Variants in CAMTA1 observed in about 807,000 individuals in gnomAD.
CAMTA1 encodes calmodulin-binding transcription activator 1.
A neutral mutation model predicts 170.9 loss-of-function variants in CAMTA1; 27 were observed. The ratio of observed to expected loss-of-function variants is 0.16; its 90% CI spans 0.12 to 0.22. The LOEUF is 0.22. Ranked by LOEUF, CAMTA1 falls within the 10% of genes least tolerant of loss-of-function variation. The pLI, the probability that CAMTA1 is intolerant of heterozygous loss-of-function variation, is 1.00. For synonymous variants in CAMTA1, 833 were observed against 891.5 expected (o/e 0.93, Z 1.17); for missense variants, 1,619 against 2,217.2 (o/e 0.73, Z 5.42).
At chr1:6,894,234 A>C (rs895702518) in intron 3 of CAMTA1, among the ~76,000 whole-genome samples, 1 of 152,206 alleles carries the variant, frequency 6.6e-6, no homozygotes, top group African/African-American at 2.4e-5. Context: ...AATTTTAAGA[A>C]CCAGCCATTC....
At chr1:7,270,274 C>CACATAT (rs71299822) in intron 5 of CAMTA1, among the ~76,000 whole-genome samples, 2 of 29,710 alleles carry the variant, frequency 6.7e-5, no homozygotes, top group African/African-American at 1.9e-4. Context: ...CACACACACA[C>CACATAT]ATATATATAT....
chr1:7,310,661 T>TTCTCTCTCTCTCTCTCTCTC, intron 5 of CAMTA1, among the ~76,000 whole-genome samples: 1 of 57,038 alleles, frequency 1.8e-5, no homozygotes, highest in African/African-American at 9.1e-5. Flanking sequence ...CTTTCTTTCT[T>TTCTCTCTCTCTCTCTCTCTC]TCTTTCTTTC....
chr1:6,878,135 T>C (rs1449988348), intron 3 of CAMTA1, among the ~76,000 whole-genome samples: 11 of 152,246 alleles, frequency 7.2e-5, no homozygotes, highest in Admixed American at 6.5e-4. Context: ...CCGTGGCTTT[T>C]CGATCTTGCA....
At chr1:7,746,166 A>AAC in intron 18 of CAMTA1, 75 bp downstream of exon 18, 2 of 1,510,244 alleles carry the variant, frequency 1.3e-6, no homozygotes, top group South Asian at 2.5e-5. Flanking sequence ...GAATCATGCG[A>AAC]ACAAAAACAT....
At position 6,887,507 on chromosome 1, in the gene CAMTA1, T is replaced by C. The variant is rs1673558461; in HGVS notation, c.234+62297T>C. 8.4e-7 allele frequency: 1 copy of C among 1,192,598 alleles called. No individual in the cohort carries two copies. Among genetic ancestry groups the C allele is most frequent in the Middle Eastern group, 2.1e-4 (1 of 4,656 alleles). 73.9% of individuals were successfully genotyped at this position (1,192,598 alleles called of 1,614,324 possible). A position where few individuals can be genotyped will look rare whatever the true frequency, so the allele number is the denominator to read the frequency against. On this transcript the variant is annotated intron_variant, in intron 3 of 22. Coordinates refer to ENST00000303635, the MANE Select transcript of CAMTA1 (RefSeq NM_015215.4). This position sits in a 1 kb window ranked among gnomAD's most constrained non-coding sequence, Gnocchi z 4.1. ...ATACATACCTGTTCATCTGTATACGTATGTGTGTGTTTAATATATACTTTA... is the reference window on the plus strand; with the variant it reads ...ATACATACCTGTTCATCTGTATACGCATGTGTGTGTTTAATATATACTTTA...
chr1:7,490,426 C>T (rs1342123883), intron 6 of CAMTA1, among the ~76,000 whole-genome samples: 4 of 152,158 alleles, frequency 2.6e-5, no homozygotes, highest in East Asian at 1.9e-4. Context: ...CCGAGGCAGG[C>T]GGTTCACCTG....
At chr1:7,178,686 G>T (rs765311093) in intron 4 of CAMTA1, among the ~76,000 whole-genome samples, 6 of 152,198 alleles carry the variant, frequency 3.9e-5, no homozygotes, top group African/African-American at 9.7e-5. Context: ...TGGGGGTTCC[G>T]TAAAGAGCTA....
At chr1:7,159,625 C>G (rs1010083441) in intron 4 of CAMTA1, among the ~76,000 whole-genome samples, 1 of 152,146 alleles carries the variant, frequency 6.6e-6, no homozygotes, top group African/African-American at 2.4e-5. Context: ...CTCACTGCAG[C>G]CTTGAACTCC....
chr1:7,695,887 T>C (rs2096370457), intron 11 of CAMTA1, among the ~76,000 whole-genome samples: 1 of 152,210 alleles, frequency 6.6e-6, no homozygotes, highest in African/African-American at 2.4e-5. Flanking sequence ...ACGGCTGTCA[T>C]TTAAAATGCA....
At chr1:6,886,480 A>G (rs1484355927) in intron 3 of CAMTA1, 1 of 362,110 alleles carries the variant, frequency 2.8e-6, no homozygotes, top group African/African-American at 2.1e-5. Flanking sequence ...AGAAGCCCAC[A>G]GCTCTTCTCG....
At chr1:7,255,742 C>T (rs567712888) in intron 5 of CAMTA1, among the ~76,000 whole-genome samples, 1 of 152,220 alleles carries the variant, frequency 6.6e-6, no homozygotes, top group Non-Finnish European at 1.5e-5. Context: ...ACAGAATCTA[C>T]CCCACACGAC....
intron 5 of CAMTA1, among the ~76,000 whole-genome samples, chr1:7,354,917 C>G (rs1478312796): frequency 6.6e-6 from 1 of 152,032 alleles, no homozygotes; most frequent in African/African-American, 2.4e-5. Flanking sequence ...TTGTCTTCAT[C>G]TGGGCTGGGT....
rs34382670 is a variant in CAMTA1, at chr1:7,246,670, C to CTTTTTTTT, written c.303-2806_303-2799dup. Among the ~76,000 whole-genome samples, 282 of 73,912 alleles carry CTTTTTTTT rather than the reference C, an allele frequency of 3.8e-3. 27 individuals carry two copies. The highest frequency in any genetic ancestry group is 0.014 in the African/African-American group (234 of 16,540). 48.5% of individuals were successfully genotyped at this position (73,912 alleles called of 152,430 possible). On this transcript the variant is annotated intron_variant, in intron 4 of 22. Transcript: ENST00000303635. ...ATCCCTTCCCACCAGCTCTGACCTG[C>CTTTTTTTT]TTTTTTTTTTTTTTTTTTTTTTGAC...
chr1:7,675,401 T>C (rs1175915741), intron 10 of CAMTA1, among the ~76,000 whole-genome samples: 1 of 151,930 alleles, frequency 6.6e-6, no homozygotes, highest in Non-Finnish European at 1.5e-5. Flanking sequence ...AAGCAGGGAG[T>C]GGCTTGATCT....
At chr1:7,744,238 T>A (rs535239174) in intron 16 of CAMTA1, among the ~76,000 whole-genome samples, 89 of 151,690 alleles carry the variant, frequency 5.9e-4, no homozygotes, top group African/African-American at 2.1e-3. Context: ...TTTAAGTGAT[T>A]CTCCTGCCTC....
chr1:7,705,365 G>A (rs1252166654), intron 11 of CAMTA1, among the ~76,000 whole-genome samples: 3 of 151,640 alleles, frequency 2.0e-5, no homozygotes, highest in African/African-American at 7.3e-5. Flanking sequence ...AGGGCGTGAG[G>A]GGCGCGCGTG....
chr1:6,810,606 AC>A (rs1252886430), intron 1 of CAMTA1, among the ~76,000 whole-genome samples: 1 of 152,140 alleles, frequency 6.6e-6, no homozygotes. Flanking sequence ...GGAGATCGAG[AC>A]CATCTGGCTA....
intron 4 of CAMTA1, among the ~76,000 whole-genome samples, chr1:7,122,879 C>A (rs1010747401): frequency 6.6e-6 from 1 of 152,212 alleles, no homozygotes; most frequent in Non-Finnish European, 1.5e-5. Context: ...CACAGTGGCC[C>A]TCACTGGTCT....
chr1:7,011,660 C>T (rs1438912519), intron 3 of CAMTA1, among the ~76,000 whole-genome samples: 1 of 152,144 alleles, frequency 6.6e-6, no homozygotes, highest in Non-Finnish European at 1.5e-5. Flanking sequence ...TCCTTCATGA[C>T]GTTTATCACA....
Sources: allele counts gnomAD v4.1 joint callset (sites outside exome capture counted in the v4.1 genomes callset), GRCh38; gene constraint gnomAD v4.1.1; non-coding constraint Gnocchi (gnomAD v3.1); transcripts MANE v1.5; gene names NCBI Gene and HGNC (gene_info 2026-07-23, HGNC 2026-07-21).